SCD5: variants seen among roughly 807,000 people sequenced by gnomAD.
SCD5 encodes the protein stearoyl-CoA desaturase 5.
A neutral mutation model predicts 30.4 loss-of-function variants in SCD5; 20 were observed. That is an observed-to-expected ratio of 0.66 (90% CI 0.46 to 0.96). The LOEUF (loss-of-function observed/expected upper bound fraction) is 0.96. Ranked by LOEUF, SCD5 falls within the 40% of genes least tolerant of loss-of-function variation. SCD5 has a pLI of 0.00. For synonymous variants in SCD5, 173 were observed against 176.4 expected (o/e 0.98, Z 0.16); for missense variants, 381 against 443.3 (o/e 0.86, Z 1.26).
rs530229567 is a variant in SCD5 at position 82,736,373 on chromosome 4, CTGAGG to C, written c.233-30965_233-30961del. On this transcript the variant is annotated intron_variant, in intron 1 of 4. Transcript: ENST00000319540. The stretch of plus-strand genomic sequence containing the variant: ...TCTGTAATCCCAGCACTTTGAGAGG[CTGAGG>C]CAGGTGGATCAGCCGAGGTCAGGAG... 8.9e-3 allele frequency among the ~76,000 whole-genome samples: 1,349 copies of C among 152,144 alleles called. 21 individuals carry two copies. Among genetic ancestry groups the C allele is most frequent in the African/African-American group, 0.031 (1,299 of 41,496 alleles).
chr4:82,636,928 T>C (rs1348536326), intron 3 of SCD5, 105 bp from the exon 4 acceptor site: 4 of 932,310 alleles, frequency 4.3e-6, no homozygotes, highest in Non-Finnish European at 6.4e-6. Flanking sequence ...GAGAGAACTG[T>C]GCCAGTCAGC....
At chr4:82,674,103 T>C (rs1321898400) in intron 3 of SCD5, among the ~76,000 whole-genome samples, 1 of 152,134 alleles carries the variant, frequency 6.6e-6, no homozygotes, top group Non-Finnish European at 1.5e-5. Context: ...AATTTATATA[T>C]GACATCAAAG....
rs777390545 is a variant in SCD5 at position 82,753,426 on chromosome 4, G to C, written c.232+44880C>G. On this transcript the variant is annotated intron_variant, in intron 1 of 4. Transcript: ENST00000319540. ...CATGACATAAGCCAGTGGCAGGGCT[G>C]AATTTAAAGGCACAAAGCAGTGCGC... 5.7e-6 allele frequency: 3 copies of C among 528,666 alleles called. No individual in the cohort carries two copies. The African/African-American group carries it at 5.8e-5, about 10-fold the overall frequency. The allele number at this position is 528,666 out of a possible 1,614,324, so 32.7% of individuals were successfully genotyped here. A position where few individuals can be genotyped will look rare whatever the true frequency, so the allele number is the denominator to read the frequency against.
At chr4:82,793,952 A>C (rs959117153) in intron 1 of SCD5, among the ~76,000 whole-genome samples, 4 of 152,172 alleles carry the variant, frequency 2.6e-5, no homozygotes, top group African/African-American at 9.7e-5. Flanking sequence ...GATGGAAAAG[A>C]AGCACAACCC....
At chr4:82,661,221 G>T in intron 3 of SCD5, 1 of 715,996 alleles carries the variant, frequency 1.4e-6, no homozygotes, top group East Asian at 2.5e-5. Context: ...ACACTCAATA[G>T]GATATAACAT....
rs118188102 is a variant in SCD5, at chr4:82,633,863, T to G, written c.803-2346A>C. Among the ~76,000 whole-genome samples, 28 of 152,316 alleles carry G rather than the reference T, an allele frequency of 1.8e-4. 2 individuals are homozygous for G. The East Asian group carries it at 5.4e-3, about 29-fold the overall frequency. ...TTATGCATCCATCACCACAATCAATTTTACAACATTTTCATTACTCTCCAA... is the reference window on the plus strand; with the variant it reads ...TTATGCATCCATCACCACAATCAATGTTACAACATTTTCATTACTCTCCAA... On this transcript the variant is annotated intron_variant, in intron 4 of 4. Transcript: ENST00000319540.
chr4:82,708,492 T>C (rs977768333), intron 1 of SCD5, among the ~76,000 whole-genome samples: 3 of 152,262 alleles, frequency 2.0e-5, no homozygotes, highest in Non-Finnish European at 2.9e-5. Flanking sequence ...TGTTTGACCC[T>C]ACACCTATGC....
At chr4:82,663,465 G>T (rs951077886) in intron 3 of SCD5, among the ~76,000 whole-genome samples, 1 of 152,178 alleles carries the variant, frequency 6.6e-6, no homozygotes, top group African/African-American at 2.4e-5. Flanking sequence ...TGCAGGAGCT[G>T]ATCAGCTGCT....
rs148438977 is a variant in SCD5 at position 82,746,900 on chromosome 4, C to T, written c.233-41487G>A. Reference sequence around the variant, plus strand: ...CCAAGACCCCTCTGGCCTACCACACCCCCAATCCTGTTGCCATATAAACCC... The same window carrying T: ...CCAAGACCCCTCTGGCCTACCACACTCCCAATCCTGTTGCCATATAAACCC... On this transcript the variant is annotated intron_variant, in intron 1 of 4. Transcript: ENST00000319540. Among the ~76,000 whole-genome samples, 385 of 152,106 alleles carry T rather than the reference C, an allele frequency of 2.5e-3. 4 individuals are homozygous for T. Among genetic ancestry groups the T allele is most frequent in the African/African-American group, 9.1e-3 (376 of 41,502 alleles).
At chr4:82,651,450 T>C (rs1027446015) in intron 3 of SCD5, among the ~76,000 whole-genome samples, 2 of 151,892 alleles carry the variant, frequency 1.3e-5, no homozygotes, top group Non-Finnish European at 1.5e-5. Flanking sequence ...ACACTGGACT[T>C]TGGGGACTTG....
intron 2 of SCD5, among the ~76,000 whole-genome samples, chr4:82,698,566 GAAC>G (rs1719747626): frequency 6.6e-6 from 1 of 152,200 alleles, no homozygotes; most frequent in Admixed American, 6.5e-5. Context: ...GTGATATGTA[GAAC>G]AATATCTGAA....
At chr4:82,653,504 A>C (rs1402573893) in intron 3 of SCD5, among the ~76,000 whole-genome samples, 3 of 152,094 alleles carry the variant, frequency 2.0e-5, no homozygotes, top group African/African-American at 7.2e-5. Context: ...TAAGACTCTT[A>C]ACATCACATT....
In SCD5 at chr4:82,636,777, G is replaced by A; in HGVS notation, c.616C>T (p.Leu206=). 6.2e-7 allele frequency: 1 copy of A among 1,614,234 alleles called. No individual in the cohort carries two copies. The highest frequency in any genetic ancestry group is 8.5e-7 in the Non-Finnish European group (1 of 1,180,038). ...VVLMCFVVPT[L]VPWYIWGESL... ...TCTCCCCAGATGTACCAGGGCACCA[G>A]CGTGGGGACCACAAAGCACATGAGC... is the stretch of plus-strand genomic sequence containing the variant. Residue 206 remains leucine, a synonymous_variant, in exon 4 of 5, where the codon CTG becomes TTG. Coordinates refer to ENST00000319540, the MANE Select transcript of SCD5 (RefSeq NM_001037582.3).
chr4:82,657,395 G>A (rs1335956778), intron 3 of SCD5, among the ~76,000 whole-genome samples: 3 of 152,178 alleles, frequency 2.0e-5, no homozygotes, highest in Admixed American at 6.5e-5. Flanking sequence ...GTTCATCAAA[G>A]ATCAGATGGT....
intron 2 of SCD5, 70 bp downstream of exon 2, chr4:82,705,213 A>G (rs937426130): frequency 3.2e-6 from 5 of 1,572,764 alleles, no homozygotes; most frequent in Non-Finnish European, 4.3e-6. Flanking sequence ...GTGTCAGCCC[A>G]TCTTTCCCCT....
chr4:82,736,998 TA>T (rs1283520477), intron 1 of SCD5, among the ~76,000 whole-genome samples: 19 of 152,200 alleles, frequency 1.2e-4, no homozygotes, highest in Admixed American at 1.2e-3. Context: ...AAATAATTTT[TA>T]GGGTTTTTTT....
intron 3 of SCD5, among the ~76,000 whole-genome samples, chr4:82,647,759 G>C (rs1025980047): frequency 2.0e-5 from 3 of 152,086 alleles, no homozygotes; most frequent in Non-Finnish European, 4.4e-5. Flanking sequence ...AAAAACTCCG[G>C]AAGATAATCA....
intron 1 of SCD5, among the ~76,000 whole-genome samples, chr4:82,745,612 G>A (rs1016811928): frequency 6.6e-6 from 1 of 152,134 alleles, no homozygotes; most frequent in African/African-American, 2.4e-5. Flanking sequence ...CATCACCTAA[G>A]TATTAAGACC....
At chr4:82,632,980 GT>G (rs1168390537) in intron 4 of SCD5, among the ~76,000 whole-genome samples, 1 of 152,168 alleles carries the variant, frequency 6.6e-6, no homozygotes, top group Non-Finnish European at 1.5e-5. Context: ...ACACACTTAT[GT>G]TTTTGTGGTA....
Sources: allele counts gnomAD v4.1 joint callset (sites outside exome capture counted in the v4.1 genomes callset), GRCh38; gene constraint gnomAD v4.1.1; transcripts MANE v1.5; gene names NCBI Gene and HGNC (gene_info 2026-07-23, HGNC 2026-07-21).